UNC5D: variants seen among roughly 807,000 people sequenced by gnomAD.
UNC5D encodes unc-5 netrin receptor D.
UNC5D carries 39 observed loss-of-function variants against 105.4 expected under a neutral mutation model. The observed-to-expected ratio is 0.37, with a 90% confidence interval of 0.29 to 0.48. The LOEUF is 0.48. Among genes scored for constraint, UNC5D ranks in the 20% least tolerant of loss-of-function variants. The pLI is 0.98. For missense variants in UNC5D, 991 were observed against 1,202.4 expected (o/e 0.82, Z 2.60); for synonymous variants, 452 against 450.4 (o/e 1.00, Z -0.04).
chr8:35,689,018 T>G (rs1253883201), intron 7 of UNC5D, among the ~76,000 whole-genome samples: 2 of 152,242 alleles, frequency 1.3e-5, no homozygotes, highest in Admixed American at 6.5e-5. Context: ...GATTATAAAT[T>G]AGTACAGTTG....
intron 7 of UNC5D, among the ~76,000 whole-genome samples, chr8:35,688,981 C>T (rs1201472841): frequency 6.6e-6 from 1 of 152,180 alleles, no homozygotes; most frequent in Non-Finnish European, 1.5e-5. Context: ...CCTGACTGAG[C>T]CATGGGATGT....
At chr8:35,628,580 C>G (rs1166732166) in intron 4 of UNC5D, among the ~76,000 whole-genome samples, 1 of 152,190 alleles carries the variant, frequency 6.6e-6, no homozygotes, top group Non-Finnish European at 1.5e-5. Flanking sequence ...TTCTTCCTTT[C>G]CTTTTCTTAG....
intron 1 of UNC5D, among the ~76,000 whole-genome samples, chr8:35,429,889 T>C (rs1806508989): frequency 6.6e-6 from 1 of 152,216 alleles, no homozygotes; most frequent in Non-Finnish European, 1.5e-5. Flanking sequence ...ATTTCAAGAC[T>C]GTTTTTGCAT....
intron 1 of UNC5D, among the ~76,000 whole-genome samples, chr8:35,469,264 CTA>C (rs981030839): frequency 6.6e-6 from 1 of 152,168 alleles, no homozygotes; most frequent in African/African-American, 2.4e-5. Context: ...CATTTATGTT[CTA>C]TGAGTCTCAT....
chr8:35,333,452 C>G (rs1294689608), intron 1 of UNC5D, among the ~76,000 whole-genome samples: 1 of 152,104 alleles, frequency 6.6e-6, no homozygotes, highest in Admixed American at 6.6e-5. Flanking sequence ...GTGACCCCTT[C>G]AAATTGTACA....
chr8:35,271,698 T>G (rs866129041), intron 1 of UNC5D, among the ~76,000 whole-genome samples: 1,803 of 91,840 alleles, frequency 0.02, 89 homozygotes, highest in African/African-American at 0.071. Context: ...CATGTATACA[T>G]GTATACATAT....
rs1563268302 is a variant in UNC5D, at chr8:35,271,713, T to TATACATGTATACATTTATACATATATATG, written c.103+35826_103+35827insATACATGTATACATTTATACATATATATG. Among the ~76,000 whole-genome samples the TATACATGTATACATTTATACATATATATG allele has an allele frequency of 4.9e-3, 415 of 85,400 alleles. 10 individuals are homozygous for TATACATGTATACATTTATACATATATATG. Among genetic ancestry groups the TATACATGTATACATTTATACATATATATG allele is most frequent in the Non-Finnish European group, 7.4e-3 (324 of 43,750 alleles). The allele number at this position is 85,400 out of a possible 152,430, so 56.0% of individuals were successfully genotyped here. A position where few individuals can be genotyped will look rare whatever the true frequency, so the allele number is the denominator to read the frequency against. On this transcript the variant is annotated intron_variant, in intron 1 of 16. Transcript: ENST00000404895. ...CATGTATACATGTATACATATATAT[T>TATACATGTATACATTTATACATATATATG]TATACATGTATACATGTATACATAT...
chr8:35,428,559 T>G (rs1023325148), intron 1 of UNC5D, among the ~76,000 whole-genome samples: 4 of 151,856 alleles, frequency 2.6e-5, no homozygotes, highest in Non-Finnish European at 5.9e-5. Context: ...AAGACACACT[T>G]TTCTTCTGTG....
chr8:35,500,438 T>C (rs1236383786), intron 1 of UNC5D, among the ~76,000 whole-genome samples: 1 of 152,206 alleles, frequency 6.6e-6, no homozygotes, highest in Non-Finnish European at 1.5e-5. Flanking sequence ...ATTTAACCTG[T>C]AATGCCTTTT....
chr8:35,522,734 A>G (rs1813576247), intron 1 of UNC5D, among the ~76,000 whole-genome samples: 1 of 152,212 alleles, frequency 6.6e-6, no homozygotes, highest in Admixed American at 6.5e-5. Flanking sequence ...AAAATGTGAA[A>G]CTGGATGATC....
intron 1 of UNC5D, among the ~76,000 whole-genome samples, chr8:35,480,057 A>T (rs1348033319): frequency 6.6e-6 from 1 of 152,210 alleles, no homozygotes; most frequent in Non-Finnish European, 1.5e-5. Context: ...CTGAGTTATC[A>T]GTGAAGTGTC....
intron 11 of UNC5D, among the ~76,000 whole-genome samples, chr8:35,739,158 C>G (rs1034038438): frequency 2.6e-5 from 4 of 152,096 alleles, no homozygotes; most frequent in African/African-American, 9.7e-5. Context: ...GGCAATTTAT[C>G]AAATAGTATC....
intron 1 of UNC5D, among the ~76,000 whole-genome samples, chr8:35,398,660 T>C (rs530325603): frequency 1.3e-5 from 2 of 152,256 alleles, no homozygotes; most frequent in South Asian, 4.1e-4. Context: ...CTTTACTGAA[T>C]ACATAAGGAA....
chr8:35,547,462 A>T (rs759632587), intron 1 of UNC5D, among the ~76,000 whole-genome samples: 1 of 151,764 alleles, frequency 6.6e-6, no homozygotes, highest in Non-Finnish European at 1.5e-5. Flanking sequence ...CCATGCCTGG[A>T]TACTATTTTT....
intron 4 of UNC5D, among the ~76,000 whole-genome samples, chr8:35,597,689 G>A (rs2130910409): frequency 6.6e-6 from 1 of 152,000 alleles, no homozygotes; most frequent in Non-Finnish European, 1.5e-5. Context: ...CATACTCTAG[G>A]TCTCTATTGA....
chr8:35,657,734 C>G (rs994084097), intron 4 of UNC5D, among the ~76,000 whole-genome samples: 8 of 152,198 alleles, frequency 5.3e-5, no homozygotes, highest in Admixed American at 2.6e-4. Context: ...GATCCTCCTA[C>G]ATTGGACTCC....
At chr8:35,448,075 G>A (rs1807913627) in intron 1 of UNC5D, among the ~76,000 whole-genome samples, 1 of 152,036 alleles carries the variant, frequency 6.6e-6, no homozygotes, top group African/African-American at 2.4e-5. Context: ...AGCTGCAGCA[G>A]CAACACATTT....
At chr8:35,586,913 G>T (rs575836669) in intron 3 of UNC5D, among the ~76,000 whole-genome samples, 1 of 152,230 alleles carries the variant, frequency 6.6e-6, no homozygotes, top group Admixed American at 6.5e-5. Context: ...AATTTTTATT[G>T]ATTTTCTTGT....
chr8:35,550,516 A>G (rs547657981), intron 2 of UNC5D, among the ~76,000 whole-genome samples: 1 of 152,268 alleles, frequency 6.6e-6, no homozygotes, highest in South Asian at 2.1e-4. Context: ...ATAACTCTGA[A>G]GTTTCAAATC....
Sources: allele counts gnomAD v4.1 joint callset (sites outside exome capture counted in the v4.1 genomes callset), GRCh38; gene constraint gnomAD v4.1.1; transcripts MANE v1.5; gene names NCBI Gene and HGNC (gene_info 2026-07-23, HGNC 2026-07-21).